Variants in TNR observed in about 807,000 individuals in gnomAD.
TNR encodes the protein tenascin-R.
Under a neutral mutation model 150.4 loss-of-function variants are expected in TNR, and 45 were observed. The observed-to-expected ratio is 0.30, with a 90% CI of 0.24 to 0.38. The LOEUF (loss-of-function observed/expected upper bound fraction) is 0.38, where lower values mean the gene tolerates loss of function less well. Ranked by LOEUF, TNR falls within the 10% of genes least tolerant of loss-of-function variation. The pLI is 1.00. For missense variants in TNR, 1,544 were observed against 1,759.1 expected (o/e 0.88, Z 2.19); for synonymous variants, 687 against 678.4 (o/e 1.01, Z -0.20).
intron 1 of TNR, among the ~76,000 whole-genome samples, chr1:175,687,148 C>T (rs1366155293): frequency 6.6e-6 from 1 of 152,172 alleles, no homozygotes; most frequent in Non-Finnish European, 1.5e-5. Flanking sequence ...TCCTCCTGGG[C>T]TCAGCTCTGC....
intron 1 of TNR, among the ~76,000 whole-genome samples, chr1:175,682,680 T>G (rs939463844): frequency 4.6e-5 from 7 of 152,032 alleles, no homozygotes; most frequent in African/African-American, 1.7e-4. Flanking sequence ...CTGAGACGGA[T>G]GTCAGTTCTG....
chr1:175,380,349 G>GT (rs1553212091), intron 8 of TNR, among the ~76,000 whole-genome samples: 12 of 152,152 alleles, frequency 7.9e-5, no homozygotes, highest in African/African-American at 2.9e-4. Context: ...GGCCTTGATG[G>GT]CACCTCTGTA....
chr1:175,356,390 T>C lies in TNR; in HGVS notation c.3047A>G (p.His1016Arg). 1 of 1,613,994 alleles carries C rather than the reference T, an allele frequency of 6.2e-7. No homozygotes were observed. Among genetic ancestry groups the C allele is most frequent in the Non-Finnish European group, 8.5e-7 (1 of 1,179,946 alleles). The change falls in exon 16 of 23, where the codon CAC becomes CGC. Residue 1016 changes from histidine to arginine, a missense_variant. Physicochemically the swap from His to Arg is conservative, Grantham distance 29. Around this residue, in one of 2 missense-constraint regions of TNR, gnomAD observed 1,254 missense variants for 1,329.4 expected, o/e 0.94. Transcript: ENST00000367674. ...GGTGGCATACATGGTGGCAGTATAGTGGGTGCTAGGAAGCAGGTCAACAAG... is the reference window on the plus strand; with the variant it reads ...GGTGGCATACATGGTGGCAGTATAGCGGGTGCTAGGAAGCAGGTCAACAAG... The part of the protein sequence containing the change: ...FRLVDLLPST[H>R]YTATMYATNG...
intron 1 of TNR, among the ~76,000 whole-genome samples, chr1:175,657,093 C>A (rs565241414): frequency 6.6e-6 from 1 of 152,220 alleles, no homozygotes; most frequent in African/African-American, 2.4e-5. Flanking sequence ...GGGGAAGAGC[C>A]TGTCCTTTAG....
At chr1:175,617,492 T>G (rs898310952) in intron 1 of TNR, among the ~76,000 whole-genome samples, 5 of 152,234 alleles carry the variant, frequency 3.3e-5, no homozygotes, top group Admixed American at 1.3e-4. Context: ...CTCTGCCCTA[T>G]GTCCCATTAC....
At chr1:175,603,712 A>C (rs1663322346) in intron 1 of TNR, among the ~76,000 whole-genome samples, 1 of 152,180 alleles carries the variant, frequency 6.6e-6, no homozygotes, top group Non-Finnish European at 1.5e-5. Context: ...TGTGAGTGGC[A>C]AGGTATAGGT....
At chr1:175,411,660 T>C (rs1403440887) in intron 2 of TNR, among the ~76,000 whole-genome samples, 1 of 151,710 alleles carries the variant, frequency 6.6e-6, no homozygotes, top group Non-Finnish European at 1.5e-5. Flanking sequence ...TGTATTCTCC[T>C]TGTTTCTTCA....
intron 1 of TNR, among the ~76,000 whole-genome samples, chr1:175,676,570 A>G (rs1470865303): frequency 6.6e-6 from 1 of 152,170 alleles, no homozygotes; most frequent in Non-Finnish European, 1.5e-5. Context: ...AATAGGACTG[A>G]AAAGAGATTG....
chr1:175,370,984 G>C (rs1285249809), intron 9 of TNR, among the ~76,000 whole-genome samples: 1 of 151,782 alleles, frequency 6.6e-6, no homozygotes, highest in Non-Finnish European at 1.5e-5. Flanking sequence ...TGTGCCTGCT[G>C]CTTTCCTTTG....
At chr1:175,597,973 C>T (rs754161726) in intron 1 of TNR, among the ~76,000 whole-genome samples, 11 of 152,184 alleles carry the variant, frequency 7.2e-5, no homozygotes, top group Admixed American at 3.9e-4. Context: ...TCCAGCTTCT[C>T]AAGAAGTTCA....
intron 2 of TNR, among the ~76,000 whole-genome samples, chr1:175,419,681 C>T (rs1004268991): frequency 1.3e-5 from 2 of 152,106 alleles, no homozygotes; most frequent in African/African-American, 4.8e-5. Flanking sequence ...GGGGTTTCAC[C>T]ATGTTGGCCA....
intron 1 of TNR, among the ~76,000 whole-genome samples, chr1:175,677,868 G>C (rs1665909860): frequency 6.6e-6 from 1 of 152,080 alleles, no homozygotes; most frequent in African/African-American, 2.4e-5. Flanking sequence ...CGAAATGAAA[G>C]GTGTTTTTAT....
chr1:175,468,364 G>A (rs139842815), intron 2 of TNR, among the ~76,000 whole-genome samples: 22 of 152,256 alleles, frequency 1.4e-4, no homozygotes, highest in African/African-American at 5.1e-4. Context: ...TTGAGGTGAC[G>A]CATTGAAGGC....
At chr1:175,362,571 C>T in intron 14 of TNR, 92 bp downstream of exon 14, 6 of 1,514,980 alleles carry the variant, frequency 4.0e-6, no homozygotes, top group Non-Finnish European at 5.4e-6. Context: ...GAAATGGAGC[C>T]TTAGCCTCCA....
At chr1:175,666,571 G>A (rs1312517920) in intron 1 of TNR, among the ~76,000 whole-genome samples, 4 of 152,188 alleles carry the variant, frequency 2.6e-5, no homozygotes, top group Non-Finnish European at 2.9e-5. Context: ...TGCAAGCTCC[G>A]TGCTGCCAAG....
chr1:175,343,932 G>A (rs1206079003), intron 18 of TNR, among the ~76,000 whole-genome samples: 1 of 152,152 alleles, frequency 6.6e-6, no homozygotes, highest in African/African-American at 2.4e-5. Context: ...AGATGTCCAG[G>A]TTTTTGGCGT....
intron 2 of TNR, among the ~76,000 whole-genome samples, chr1:175,497,833 G>A (rs764330141): frequency 2.0e-5 from 3 of 152,160 alleles, no homozygotes; most frequent in Non-Finnish European, 4.4e-5. Flanking sequence ...GCCGAGGTGG[G>A]CAGATCATCT....
intron 1 of TNR, among the ~76,000 whole-genome samples, chr1:175,711,987 G>A (rs1049035319): frequency 2.6e-5 from 4 of 152,190 alleles, no homozygotes; most frequent in African/African-American, 7.2e-5. Flanking sequence ...GAGAAAGATC[G>A]GTGCTGCAGA....
intron 2 of TNR, among the ~76,000 whole-genome samples, chr1:175,440,445 C>T (rs972952892): frequency 5.3e-5 from 8 of 151,560 alleles, no homozygotes; most frequent in Non-Finnish European, 2.9e-5. Flanking sequence ...TTAATGGGTG[C>T]AGCACACCAA....
Sources: allele counts gnomAD v4.1 joint callset (sites outside exome capture counted in the v4.1 genomes callset), GRCh38; gene constraint gnomAD v4.1.1; regional missense constraint gnomAD v4.1.1; transcripts MANE v1.5; gene names NCBI Gene and HGNC (gene_info 2026-07-23, HGNC 2026-07-21).